MBTD1: variants seen among roughly 807,000 people sequenced by gnomAD.
MBTD1 encodes the protein mbt domain containing 1, also known as MBT domain-containing protein 1.
MBTD1 carries 24 observed loss-of-function variants against 87.8 expected under a neutral mutation model. The observed-to-expected ratio is 0.27, with a 90% CI of 0.20 to 0.38. The LOEUF (loss-of-function observed/expected upper bound fraction) is 0.38, where lower values mean the gene tolerates loss of function less well. Ranked by LOEUF, MBTD1 falls within the 10% of genes least tolerant of loss-of-function variation. The probability of loss-of-function intolerance (pLI) is 1.00; values close to 1 mark genes in which losing one functional copy is unlikely to be tolerated. For missense variants in MBTD1, 436 were observed against 760.2 expected (o/e 0.57, Z 5.02); for synonymous variants, 237 against 248.6 (o/e 0.95, Z 0.44).
At chr17:51,201,445 A>AT in intron 12 of MBTD1, 147 bp downstream of exon 12, 1 of 502,984 alleles carries the variant, frequency 2.0e-6, no homozygotes. Context: ...ATTCAAATTT[A>AT]TTTTGAAATT....
intron 2 of MBTD1, among the ~76,000 whole-genome samples, chr17:51,254,408 C>A (rs931360187): frequency 6.6e-6 from 1 of 152,004 alleles, no homozygotes; most frequent in African/African-American, 2.4e-5. Flanking sequence ...AATGTGCAAG[C>A]AAGAATAAAT....
At chr17:51,230,510 G>C (rs1039099477) in intron 2 of MBTD1, among the ~76,000 whole-genome samples, 1 of 152,150 alleles carries the variant, frequency 6.6e-6, no homozygotes, top group African/African-American at 2.4e-5. Flanking sequence ...ACCAAGCAAG[G>C]CTGTGTGAGG....
chr17:51,210,313 A>T (rs1188151908), intron 6 of MBTD1, among the ~76,000 whole-genome samples: 1 of 152,092 alleles, frequency 6.6e-6, no homozygotes, highest in Non-Finnish European at 1.5e-5. Flanking sequence ...TTGATTTGAT[A>T]CCAGAATCTA....
intron 2 of MBTD1, among the ~76,000 whole-genome samples, chr17:51,231,099 G>A (rs538915750): frequency 6.6e-6 from 1 of 152,220 alleles, no homozygotes; most frequent in South Asian, 2.1e-4. Context: ...CACCACGCCA[G>A]GCTAACTTTT....
At chr17:51,201,490 T>C in intron 12 of MBTD1, 102 bp downstream of exon 12, 1 of 671,808 alleles carries the variant, frequency 1.5e-6, no homozygotes, top group Admixed American at 2.7e-5. Context: ...GATATACACA[T>C]ACACATTTTA....
At chr17:51,183,166 CTTTTTTTTTTTTTTT>C (rs68187851) in intron 16 of MBTD1, 1 of 112,338 alleles carries the variant, frequency 8.9e-6, no homozygotes, top group African/African-American at 3.6e-5. Context: ...AAAGAATAAT[CTTTTTTTTTTTTTTT>C]TTTTTTTTTA....
intron 7 of MBTD1, among the ~76,000 whole-genome samples, chr17:51,204,344 C>T (rs2051678889): frequency 1.3e-5 from 2 of 151,924 alleles, no homozygotes; most frequent in East Asian, 3.9e-4. Context: ...ACAACCTTGG[C>T]CTCCTGGGTT....
chr17:51,236,582 GT>G (rs2053851552), intron 2 of MBTD1, among the ~76,000 whole-genome samples: 1 of 152,084 alleles, frequency 6.6e-6, no homozygotes, highest in Admixed American at 6.6e-5. Flanking sequence ...GCTCATCAAG[GT>G]TAGTCTTGTT....
rs548077504 is a variant in MBTD1, at chr17:51,235,991, C to CTCTA, written c.-48-10786_-48-10783dup. ...ACAGAATAAGAGTCCATAAATAGAC[C>CTCTA]TCTATCTATCTATCGGTCTCTCTCT... is the stretch of plus-strand genomic sequence containing the variant. On this transcript the variant is annotated intron_variant, in intron 2 of 16. Coordinates refer to ENST00000586178, the MANE Select transcript of MBTD1 (RefSeq NM_017643.3). Among the ~76,000 whole-genome samples the CTCTA allele has an allele frequency of 3.7e-3, 562 of 151,996 alleles. 3 individuals carry two copies. Among genetic ancestry groups the CTCTA allele is most frequent in the Middle Eastern group, 6.8e-3 (2 of 294 alleles).
At chr17:51,190,750 A>AAATATAT (rs1555677185) in intron 16 of MBTD1, among the ~76,000 whole-genome samples, 3 of 39,706 alleles carry the variant, frequency 7.6e-5, no homozygotes, top group African/African-American at 4.6e-4. Context: ...AAAAAAAAAA[A>AAATATAT]ATATATATAT....
chr17:51,179,508 A>ATTTATATT lies in MBTD1; in HGVS notation c.*1067_*1068insAATATAAA, dbSNP rs1443705596. The ATTTATATT allele has an allele frequency of 1.2e-4, 10 of 83,788 alleles. No homozygotes were observed. Among genetic ancestry groups the ATTTATATT allele is most frequent in the African/African-American group, 4.4e-4 (10 of 22,532 alleles). 5.2% of individuals were successfully genotyped at this position (83,788 alleles called of 1,614,324 possible). A position where few individuals can be genotyped will look rare whatever the true frequency, so the allele number is the denominator to read the frequency against. ...TTTATATATATATATATATATATATATATATATATATATATATATATATAT... is the reference window on the plus strand; with the variant it reads ...TTTATATATATATATATATATATATATTTATATTTATATATATATATATATATATATAT... On this transcript the variant is annotated 3_prime_UTR_variant, in exon 17 of 17. Coordinates refer to ENST00000586178, the MANE Select transcript of MBTD1 (RefSeq NM_017643.3).
intron 7 of MBTD1, among the ~76,000 whole-genome samples, chr17:51,205,037 T>C (rs779392285): frequency 1.3e-4 from 20 of 152,206 alleles, no homozygotes; most frequent in Non-Finnish European, 2.5e-4. Context: ...ACAAAAAATA[T>C]GTAATATATC....
intron 6 of MBTD1, among the ~76,000 whole-genome samples, chr17:51,215,890 C>CT (rs1402745836): frequency 2.0e-5 from 3 of 148,610 alleles, no homozygotes; most frequent in Non-Finnish European, 4.5e-5. Context: ...CTAAGCTCAG[C>CT]TTTGTTCATA....
chr17:51,234,850 C>T (rs564244905), intron 2 of MBTD1, among the ~76,000 whole-genome samples: 6 of 152,164 alleles, frequency 3.9e-5, no homozygotes, highest in East Asian at 1.9e-4. Flanking sequence ...TATACCACCA[C>T]GCCTGGCTAA....
intron 2 of MBTD1, among the ~76,000 whole-genome samples, chr17:51,227,344 T>C (rs979427251): frequency 2.0e-5 from 3 of 151,950 alleles, no homozygotes; most frequent in Admixed American, 6.6e-5. Context: ...GTGGATTGCT[T>C]GAGCCCAGGA....
At chr17:51,212,468 A>G (rs1055116746) in intron 6 of MBTD1, among the ~76,000 whole-genome samples, 3 of 150,332 alleles carry the variant, frequency 2.0e-5, no homozygotes, top group African/African-American at 7.3e-5. Flanking sequence ...ACAAACTACA[A>G]CTGTATTTGA....
upstream of MBTD1, chr17:51,260,527 T>C (rs1230294479): frequency 9.7e-6 from 15 of 1,539,164 alleles, no homozygotes; most frequent in Admixed American, 4.2e-5. Context: ...GCGAGGGGCC[T>C]GGGCGCATGC....
At chr17:51,228,986 C>T (rs1396989879) in intron 2 of MBTD1, among the ~76,000 whole-genome samples, 2 of 151,506 alleles carry the variant, frequency 1.3e-5, no homozygotes, top group African/African-American at 4.9e-5. Context: ...AGCTCATGTC[C>T]CTAAACCTAA....
intron 12 of MBTD1, among the ~76,000 whole-genome samples, chr17:51,196,899 A>G (rs1268153944): frequency 6.6e-6 from 1 of 151,546 alleles, no homozygotes; most frequent in Non-Finnish European, 1.5e-5. Context: ...CAAAGGGGAA[A>G]AAAAATTTTT....
Sources: gnomAD v4.1 joint callset for allele counts (sites outside exome capture counted in the v4.1 genomes callset) on GRCh38, gnomAD v4.1.1 for gene constraint, MANE v1.5 for transcripts, NCBI Gene and HGNC (gene_info 2026-07-23, HGNC 2026-07-21) for gene names.